MAP3K13: variants seen among roughly 807,000 people sequenced by gnomAD.
MAP3K13 encodes the protein mitogen-activated protein kinase kinase kinase 13.
MAP3K13 carries 52 observed loss-of-function variants against 104.0 expected under a neutral mutation model. The observed-to-expected ratio is 0.50, with a 90% confidence interval of 0.40 to 0.63. MAP3K13 has a LOEUF of 0.63. Ranked by LOEUF, MAP3K13 falls within the 20% of genes least tolerant of loss-of-function variation. MAP3K13 has a pLI of 0.00. For synonymous variants in MAP3K13, 394 were observed against 442.2 expected (o/e 0.89, Z 1.37); for missense variants, 914 against 1,218.5 (o/e 0.75, Z 3.72).
intron 7 of MAP3K13, among the ~76,000 whole-genome samples, chr3:185,455,439 ATATATGAGATATATAT>A (rs1716504394): frequency 1.7e-5 from 2 of 117,842 alleles, no homozygotes; most frequent in Admixed American, 2.1e-4. Context: ...TATGAGATAT[ATATATGAGATATATAT>A]CATATATATG....
intron 1 of MAP3K13, among the ~76,000 whole-genome samples, chr3:185,393,569 C>G (rs911028730): frequency 2.0e-5 from 3 of 152,008 alleles, no homozygotes; most frequent in Non-Finnish European, 4.4e-5. Flanking sequence ...CGCCATTCTC[C>G]TGCCTCAGCC....
chr3:185,406,232 C>T (rs1258906810), intron 1 of MAP3K13, among the ~76,000 whole-genome samples: 2 of 152,132 alleles, frequency 1.3e-5, no homozygotes, highest in Admixed American at 1.3e-4. Context: ...TTAATTTAGC[C>T]CTTCCTAGCC....
intron 2 of MAP3K13, among the ~76,000 whole-genome samples, chr3:185,305,536 C>T (rs963020261): frequency 1.3e-5 from 2 of 152,084 alleles, no homozygotes; most frequent in Non-Finnish European, 2.9e-5. Flanking sequence ...TATGTGCCAT[C>T]ATTACAGTAT....
At chr3:185,300,213 A>T (rs1480203241) in intron 2 of MAP3K13, among the ~76,000 whole-genome samples, 1 of 143,904 alleles carries the variant, frequency 6.9e-6, no homozygotes, top group African/African-American at 2.6e-5. Flanking sequence ...TTTTTCAGAC[A>T]GAGTTTCACT....
chr3:185,291,262 C>T (rs1479461113), intron 2 of MAP3K13, among the ~76,000 whole-genome samples: 1 of 152,170 alleles, frequency 6.6e-6, no homozygotes, highest in Non-Finnish European at 1.5e-5. Flanking sequence ...CTCTTTAAGA[C>T]AATTTGATAT....
chr3:185,466,294 G>C (rs13095772), intron 9 of MAP3K13, among the ~76,000 whole-genome samples: 14,976 of 151,630 alleles, frequency 0.099, 1,140 homozygotes, highest in East Asian at 0.39. Flanking sequence ...TTGGGGAAAT[G>C]AAAGTGAGTA....
intron 1 of MAP3K13, among the ~76,000 whole-genome samples, chr3:185,390,621 ATTTTTTT>A: frequency 1.6e-5 from 2 of 123,682 alleles, no homozygotes; most frequent in South Asian, 2.6e-4. Flanking sequence ...TACAGTCAGA[ATTTTTTT>A]TTTTTTTTTT....
intron 7 of MAP3K13, among the ~76,000 whole-genome samples, chr3:185,454,931 GATATATATATGAGATATATATGAT>G (rs1367196773): frequency 5.4e-4 from 31 of 57,908 alleles, no homozygotes; most frequent in Middle Eastern, 0.029. Flanking sequence ...ATATATATAT[GATATATATATGAGATATATATGAT>G]ATATATATGA....
At chr3:185,445,374 A>C (rs1443288245) in intron 4 of MAP3K13, among the ~76,000 whole-genome samples, 1 of 152,200 alleles carries the variant, frequency 6.6e-6, no homozygotes, top group Non-Finnish European at 1.5e-5. Flanking sequence ...TACAGTGCTT[A>C]GTTGACTGAA....
chr3:185,454,694 G>A lies in MAP3K13; in HGVS notation c.1278+3299G>A, dbSNP rs28973077. Among the ~76,000 whole-genome samples the A allele has an allele frequency of 3.1e-4, 11 of 35,184 alleles. 3 individuals are homozygous for A. The highest frequency in any genetic ancestry group is 2.3e-3 in the Admixed American group (5 of 2,196). 23.1% of individuals were successfully genotyped at this position (35,184 alleles called of 152,430 possible). A position where few individuals can be genotyped will look rare whatever the true frequency, so the allele number is the denominator to read the frequency against. ...TGAGATATTTATATGATATATATAT[G>A]AGATATATATATCATATATGAGATA... On this transcript the variant is annotated intron_variant, in intron 7 of 13. Coordinates refer to ENST00000265026, the MANE Select transcript of MAP3K13 (RefSeq NM_004721.5).
chr3:185,454,290 TGA>T lies in MAP3K13; in HGVS notation c.1278+2898_1278+2899del, dbSNP rs1233274220. The stretch of plus-strand genomic sequence containing the variant: ...ATATATATCATATATATGATATATA[TGA>T]GATATATATCATATATATATGAGAT... On this transcript the variant is annotated intron_variant, in intron 7 of 13. Transcript: ENST00000265026. Among the ~76,000 whole-genome samples, 2 of 112,060 alleles carry T rather than the reference TGA, an allele frequency of 1.8e-5. 1 individual carries two copies. The highest frequency in any genetic ancestry group is 5.5e-4 in the South Asian group (2 of 3,646). The allele number at this position is 112,060 out of a possible 152,430, so 73.5% of individuals were successfully genotyped here.
chr3:185,466,822 G>A lies in MAP3K13; in HGVS notation c.1506-4G>A. 1 of 1,613,830 alleles carries A rather than the reference G, an allele frequency of 6.2e-7. No homozygotes were observed. Among genetic ancestry groups the A allele is most frequent in the Non-Finnish European group, 8.5e-7 (1 of 1,179,830 alleles). Reference sequence around the variant, plus strand: ...GAGGTGTGGCTTTTGCCTTTATTCTGCAGGCGTGAGCAAGCAGTGGAAAAG... The same window carrying A: ...GAGGTGTGGCTTTTGCCTTTATTCTACAGGCGTGAGCAAGCAGTGGAAAAG... On this transcript the variant is annotated splice_polypyrimidine_tract_variant and splice_region_variant and intron_variant, in intron 9 of 13. Transcript: ENST00000265026.
chr3:185,338,402 A>G (rs1231962833), intron 2 of MAP3K13, among the ~76,000 whole-genome samples: 1 of 152,054 alleles, frequency 6.6e-6, no homozygotes, highest in Non-Finnish European at 1.5e-5. Flanking sequence ...AAAAAAGAAA[A>G]TAATTTTGCT....
intron 12 of MAP3K13, among the ~76,000 whole-genome samples, chr3:185,478,792 A>G (rs969830080): frequency 6.6e-6 from 1 of 151,768 alleles, no homozygotes; most frequent in African/African-American, 2.4e-5. Context: ...GAATTGCTTG[A>G]ACCCAGGAGG....
At chr3:185,359,358 G>T (rs1479505929), upstream of MAP3K13, among the ~76,000 whole-genome samples, 1 of 152,090 alleles carries the variant, frequency 6.6e-6, no homozygotes, top group Non-Finnish European at 1.5e-5. Context: ...GGGATTATGG[G>T]ATTACAATTC....
chr3:185,374,963 C>T (rs1724354994), intron 1 of MAP3K13, among the ~76,000 whole-genome samples: 1 of 152,134 alleles, frequency 6.6e-6, no homozygotes. Context: ...AGGACTTCAT[C>T]AGGGTGAAAC....
At chr3:185,437,745 TG>T (rs1456868480) in intron 3 of MAP3K13, 115 bp downstream of exon 3, 3 of 1,002,562 alleles carry the variant, frequency 3.0e-6, no homozygotes, top group Non-Finnish European at 1.4e-6. Flanking sequence ...CTTAGCACTG[TG>T]CTAGGTGCTT....
At chr3:185,411,339 T>TGAA (rs1439680052) in intron 1 of MAP3K13, among the ~76,000 whole-genome samples, 4 of 152,240 alleles carry the variant, frequency 2.6e-5, no homozygotes, top group Non-Finnish European at 5.9e-5. Context: ...TTTACTCATA[T>TGAA]GAAGAGTCAT....
At chr3:185,361,096 A>ATGTGTG (rs1378977342), upstream of MAP3K13, among the ~76,000 whole-genome samples, 973 of 56,214 alleles carry the variant, frequency 0.017, 6 homozygotes, top group African/African-American at 0.035. Flanking sequence ...GTATATATAT[A>ATGTGTG]TATGTGTGTG....
Sources: gnomAD v4.1 joint callset for allele counts (sites outside exome capture counted in the v4.1 genomes callset) on GRCh38, gnomAD v4.1.1 for gene constraint, MANE v1.5 for transcripts, NCBI Gene and HGNC (gene_info 2026-07-23, HGNC 2026-07-21) for gene names.